Variants in NTM observed in about 807,000 individuals in gnomAD.
NTM encodes IgLON family member 2.
Under a neutral mutation model 42.1 loss-of-function variants are expected in NTM, and 13 were observed. That is an observed-to-expected ratio of 0.31 (90% CI 0.20 to 0.49). The LOEUF is 0.49. Ranked by LOEUF, NTM falls within the 20% of genes least tolerant of loss-of-function variation. The probability of loss-of-function intolerance (pLI) is 0.99; values close to 1 mark genes in which losing one functional copy is unlikely to be tolerated. For synonymous variants in NTM, 187 were observed against 179.2 expected, an observed-to-expected ratio of 1.04 and a Z score of -0.35; for missense variants, 373 against 452.8, an observed-to-expected ratio of 0.82 and a Z score of 1.60.
chr11:132,155,680 G>T (rs1206270329), intron 3 of NTM, among the ~76,000 whole-genome samples: 1 of 152,212 alleles, frequency 6.6e-6, no homozygotes, highest in Non-Finnish European at 1.5e-5. Context: ...TTTCACAGAG[G>T]GGACCTGTGT....
chr11:131,725,206 A>G (rs1354134740), intron 1 of NTM, among the ~76,000 whole-genome samples: 1 of 152,220 alleles, frequency 6.6e-6, no homozygotes, highest in East Asian at 1.9e-4. Context: ...CTAAACTTAC[A>G]CATTCAACAA....
At chr11:132,203,921 CAACA>C (rs1292997541) in intron 3 of NTM, among the ~76,000 whole-genome samples, 1 of 27,918 alleles carries the variant, frequency 3.6e-5, no homozygotes, top group East Asian at 2.6e-3. Flanking sequence ...ACAGCAACAA[CAACA>C]AAAAAAAAAC....
chr11:132,124,248 T>A (rs1447922922), intron 2 of NTM, among the ~76,000 whole-genome samples: 1 of 152,122 alleles, frequency 6.6e-6, no homozygotes, highest in Non-Finnish European at 1.5e-5. Context: ...CGGTGTCTCC[T>A]GTCTCCATCC....
chr11:131,496,103 C>G (rs1489304485), intron 1 of NTM, among the ~76,000 whole-genome samples: 1 of 152,218 alleles, frequency 6.6e-6, no homozygotes, highest in East Asian at 1.9e-4. Flanking sequence ...CAGAAGGAAA[C>G]AGATCTCTCT....
At chr11:131,607,482 C>T (rs1230117777) in intron 1 of NTM, among the ~76,000 whole-genome samples, 1 of 152,202 alleles carries the variant, frequency 6.6e-6, no homozygotes, top group Non-Finnish European at 1.5e-5. Flanking sequence ...GCCAATTAAT[C>T]CCAATCATGA....
At chr11:132,059,507 C>T (rs1374865556) in intron 2 of NTM, among the ~76,000 whole-genome samples, 1 of 152,190 alleles carries the variant, frequency 6.6e-6, no homozygotes, top group Non-Finnish European at 1.5e-5. Flanking sequence ...AAGAAACTGA[C>T]CCTAAACCCG....
At chr11:131,568,183 A>G (rs2057086409) in intron 1 of NTM, among the ~76,000 whole-genome samples, 2 of 152,190 alleles carry the variant, frequency 1.3e-5, no homozygotes, top group South Asian at 2.1e-4. Flanking sequence ...CTATCCTCCA[A>G]TCATAAACAG....
chr11:132,320,469 G>A (rs142136852), intron 7 of NTM, among the ~76,000 whole-genome samples: 4,266 of 152,256 alleles, frequency 0.028, 213 homozygotes, highest in African/African-American at 0.097. Flanking sequence ...CTTTTCCGAC[G>A]GGCTTAAAAA....
intron 2 of NTM, among the ~76,000 whole-genome samples, chr11:131,937,114 A>G (rs900136284): frequency 6.6e-6 from 1 of 152,196 alleles, no homozygotes; most frequent in Non-Finnish European, 1.5e-5. Flanking sequence ...CCCTGTCTGT[A>G]TTGTGTATCA....
intron 2 of NTM, among the ~76,000 whole-genome samples, chr11:132,074,788 C>T (rs1042994161): frequency 6.6e-6 from 1 of 152,046 alleles, no homozygotes; most frequent in East Asian, 1.9e-4. Context: ...GTGTTGTATA[C>T]CACTGTAGGA....
intron 1 of NTM, among the ~76,000 whole-genome samples, chr11:131,382,388 T>C (rs1429725747): frequency 6.6e-6 from 1 of 152,050 alleles, no homozygotes; most frequent in Non-Finnish European, 1.5e-5. Flanking sequence ...AATAATTGAG[T>C]ATAGGTAATT....
chr11:131,890,126 C>G (rs977110792), intron 1 of NTM, among the ~76,000 whole-genome samples: 2 of 124,282 alleles, frequency 1.6e-5, no homozygotes, highest in Non-Finnish European at 3.3e-5. Flanking sequence ...CACACACAGG[C>G]CCTCTCTCTC....
rs1375287662 is a variant in NTM, at chr11:131,510,437, C to G, written c.82+139549C>G. On this transcript the variant is annotated intron_variant, in intron 1 of 8. Coordinates refer to ENST00000683400, the MANE Select transcript of NTM (RefSeq NM_001352005.2). ...GTGGATGGGTCTGCTTACCAACTGC[C>G]CTTTCATGTTTCCTAGCCATCCAAA... 2.0e-5 allele frequency among the ~76,000 whole-genome samples: 3 copies of G among 152,196 alleles called. No homozygotes were observed. In the East Asian group the frequency reaches 5.8e-4, roughly 29 times the overall value.
chr11:131,805,619 G>T (rs1200416934), intron 1 of NTM, among the ~76,000 whole-genome samples: 1 of 152,164 alleles, frequency 6.6e-6, no homozygotes, highest in East Asian at 1.9e-4. Flanking sequence ...TCTTATGATA[G>T]CATCTGGAAT....
intron 2 of NTM, among the ~76,000 whole-genome samples, chr11:132,087,985 C>A (rs1198160476): frequency 6.6e-6 from 1 of 152,198 alleles, no homozygotes; most frequent in African/African-American, 2.4e-5. Flanking sequence ...TCATTCCCAT[C>A]CTGCATGGCC....
chr11:131,646,952 A>C (rs2134287358), intron 1 of NTM, among the ~76,000 whole-genome samples: 1 of 152,336 alleles, frequency 6.6e-6, no homozygotes, highest in South Asian at 2.1e-4. Context: ...GTAAAGCTCT[A>C]GGTCCAGAAT....
intron 1 of NTM, among the ~76,000 whole-genome samples, chr11:131,791,583 T>A (rs2090949322): frequency 6.6e-6 from 1 of 152,162 alleles, no homozygotes; most frequent in Non-Finnish European, 1.5e-5. Flanking sequence ...AATCTTTGCC[T>A]CCCCTGACAA....
intron 1 of NTM, among the ~76,000 whole-genome samples, chr11:131,791,032 G>A (rs1246087891): frequency 6.6e-6 from 1 of 152,110 alleles, no homozygotes; most frequent in African/African-American, 2.4e-5. Flanking sequence ...CTGTGTTATG[G>A]GTGTTATTGT....
At chr11:132,193,484 A>T (rs796836911) in intron 3 of NTM, among the ~76,000 whole-genome samples, 16 of 152,220 alleles carry the variant, frequency 1.1e-4, no homozygotes, top group African/African-American at 3.6e-4. Flanking sequence ...AAAAAAAAAT[A>T]GATCAGAATA....
Sources: gnomAD v4.1 joint callset for allele counts (sites outside exome capture counted in the v4.1 genomes callset) on GRCh38, gnomAD v4.1.1 for gene constraint, MANE v1.5 for transcripts, NCBI Gene and HGNC (gene_info 2026-07-23, HGNC 2026-07-21) for gene names.